ZFP14: variants seen among roughly 807,000 people sequenced by gnomAD.
The protein encoded by ZFP14 is ZFP14 zinc finger protein, also known as zinc finger protein 14 homolog.
In ZFP14, 22 loss-of-function variants were observed where a neutral mutation model predicts 54.5. The observed-to-expected ratio is 0.40, with a 90% CI of 0.29 to 0.58. ZFP14 has a LOEUF of 0.58. Among genes scored for constraint, ZFP14 ranks in the 20% least tolerant of loss-of-function variants. The pLI is 0.39. For synonymous variants in ZFP14, 159 were observed against 204.0 expected (o/e 0.78, Z 1.88); for missense variants, 470 against 637.8 (o/e 0.74, Z 2.83).
At chr19:36,367,116 T>C (rs2031806845) in intron 2 of ZFP14, among the ~76,000 whole-genome samples, 1 of 151,172 alleles carries the variant, frequency 6.6e-6, no homozygotes, top group Non-Finnish European at 1.5e-5. Flanking sequence ...ATCATGCCAC[T>C]GCACTCCAGC....
At chr19:36,358,084 CTATCTATCATCT>C (rs776939321) in intron 4 of ZFP14, among the ~76,000 whole-genome samples, 1,490 of 146,246 alleles carry the variant, frequency 0.01, 25 homozygotes, top group African/African-American at 0.034. Flanking sequence ...ATCTATCTAT[CTATCTATCATCT>C]ATCTATCTAT....
intron 4 of ZFP14, among the ~76,000 whole-genome samples, chr19:36,343,700 G>A (rs1199868641): frequency 6.6e-6 from 1 of 152,186 alleles, no homozygotes; most frequent in Non-Finnish European, 1.5e-5. Flanking sequence ...TATGGGGGCT[G>A]AGAACTCCAA....
intron 1 of ZFP14, among the ~76,000 whole-genome samples, chr19:36,368,462 G>GAAAGA (rs1373931138): frequency 6.6e-6 from 1 of 152,126 alleles, no homozygotes; most frequent in Admixed American, 6.6e-5. Flanking sequence ...GAGCAAAAAA[G>GAAAGA]AAAGAAATAC....
intron 1 of ZFP14, chr19:36,378,264 G>A (rs932971317): frequency 6.6e-5 from 10 of 152,186 alleles, no homozygotes; most frequent in African/African-American, 1.9e-4. Flanking sequence ...AATCAAGAGG[G>A]TATCCCCAGT....
At chr19:36,373,807 G>A (rs1411464991) in intron 1 of ZFP14, among the ~76,000 whole-genome samples, 2 of 151,052 alleles carry the variant, frequency 1.3e-5, no homozygotes, top group African/African-American at 4.9e-5. Flanking sequence ...CAGCTACCAG[G>A]AGGTTGAAGC....
chr19:36,364,994 C>CTTTTTTTTTTTTTTTTTTTTTTTTT (rs398034482), intron 2 of ZFP14, among the ~76,000 whole-genome samples: 1 of 61,972 alleles, frequency 1.6e-5, no homozygotes, highest in Non-Finnish European at 2.9e-5. Context: ...TTTTCTTTTT[C>CTTTTTTTTTTTTTTTTTTTTTTTTT]TTTTTTTTTT....
intron 4 of ZFP14, among the ~76,000 whole-genome samples, chr19:36,343,562 C>T (rs1484409984): frequency 6.6e-6 from 1 of 152,176 alleles, no homozygotes; most frequent in African/African-American, 2.4e-5. Flanking sequence ...GCACTTTACG[C>T]TTGTCTTACT....
chr19:36,360,268 T>C, intron 4 of ZFP14, 167 bp downstream of exon 4: 1 of 418,184 alleles, frequency 2.4e-6, no homozygotes. Context: ...CCTTTGCTAG[T>C]CCAGGCTTAA....
intron 4 of ZFP14, among the ~76,000 whole-genome samples, chr19:36,344,123 C>A (rs753240565): frequency 7.2e-5 from 11 of 152,178 alleles, no homozygotes; most frequent in Non-Finnish European, 1.3e-4. Context: ...CTGCCTCAAC[C>A]TCCCCAGTAG....
At chr19:36,347,880 G>A (rs1243742032) in intron 4 of ZFP14, among the ~76,000 whole-genome samples, 1 of 152,076 alleles carries the variant, frequency 6.6e-6, no homozygotes, top group African/African-American at 2.4e-5. Flanking sequence ...GGCCAACATG[G>A]TGAAACTGTC....
At chr19:36,360,988 AAC>A (rs1349938183) in intron 3 of ZFP14, among the ~76,000 whole-genome samples, 1 of 152,238 alleles carries the variant, frequency 6.6e-6, no homozygotes, top group Non-Finnish European at 1.5e-5. Context: ...ATTAATAATG[AAC>A]AATGCTTAGA....
At chr19:36,352,976 C>A (rs951441688) in intron 4 of ZFP14, among the ~76,000 whole-genome samples, 1 of 139,316 alleles carries the variant, frequency 7.2e-6, no homozygotes, top group Non-Finnish European at 1.6e-5. Flanking sequence ...TGTGGTGGTG[C>A]GCACCTGTAG....
chr19:36,359,498 A>C (rs2031674356), intron 4 of ZFP14, among the ~76,000 whole-genome samples: 1 of 152,190 alleles, frequency 6.6e-6, no homozygotes, highest in Non-Finnish European at 1.5e-5. Flanking sequence ...TCTGATAATG[A>C]ATTCAATTAC....
Position 36,341,361 on chromosome 19 carries a change from C to T in ZFP14, c.465G>A (p.Arg155=). 1.9e-6 allele frequency: 3 copies of T among 1,614,106 alleles called. No individual in the cohort carries two copies. The highest frequency in any genetic ancestry group is 2.5e-6 in the Non-Finnish European group (3 of 1,180,010). ...TCTGATACTCAGTAAGAAAATTGTG[C>T]CTTTTGTAAGTGGTCATTTTTTCAG... ...ITSEKMTTYK[R]HNFLTEYQIV... Residue 155 remains arginine (R), a synonymous_variant, in exon 5 of 5, where the codon AGG becomes AGA. Transcript: ENST00000270001. The surrounding 1 kb of genome is among the most constrained non-coding windows in gnomAD (Gnocchi z 4.2).
At chr19:36,363,108 C>G (rs1289209401) in intron 2 of ZFP14, among the ~76,000 whole-genome samples, 6 of 151,774 alleles carry the variant, frequency 4.0e-5, no homozygotes, top group African/African-American at 1.4e-4. Flanking sequence ...TTTTTTTGTT[C>G]CTGAGTTACA....
chr19:36,376,325 T>C (rs1198163014), intron 1 of ZFP14, among the ~76,000 whole-genome samples: 1 of 152,086 alleles, frequency 6.6e-6, no homozygotes, highest in Admixed American at 6.5e-5. Context: ...CACAGGCGGA[T>C]CACTTAGATC....
intron 2 of ZFP14, among the ~76,000 whole-genome samples, chr19:36,366,816 A>T (rs1470623616): frequency 6.6e-6 from 1 of 152,066 alleles, no homozygotes; most frequent in Non-Finnish European, 1.5e-5. Context: ...ATTTTTTTGT[A>T]TATATGTCAT....
chr19:36,373,104 C>G (rs190645523), intron 1 of ZFP14, among the ~76,000 whole-genome samples: 237 of 151,998 alleles, frequency 1.6e-3, no homozygotes, highest in African/African-American at 5.1e-3. Context: ...ATGGAGAAAC[C>G]CTGTCTCTAC....
At chr19:36,365,718 G>A (rs2031783824) in intron 2 of ZFP14, among the ~76,000 whole-genome samples, 1 of 152,092 alleles carries the variant, frequency 6.6e-6, no homozygotes, top group South Asian at 2.1e-4. Flanking sequence ...CAATACTTTG[G>A]GAGGCTAAAG....
Sources: gnomAD v4.1 joint callset for allele counts (sites outside exome capture counted in the v4.1 genomes callset) on GRCh38, gnomAD v4.1.1 for gene constraint, Gnocchi (gnomAD v3.1) non-coding constraint, MANE v1.5 for transcripts, NCBI Gene and HGNC (gene_info 2026-07-23, HGNC 2026-07-21) for gene names.